Variants in QTGAL observed in about 807,000 individuals in gnomAD.
The protein encoded by QTGAL is queuosine-tRNA galactosyltransferase.
At chr17:82,974,498 G>T in the QTGAL span, among the ~76,000 whole-genome samples, 1 of 152,236 alleles carries the variant, frequency 6.6e-6, no homozygotes, top group Non-Finnish European at 1.5e-5. Context: ...CTCCCCAAGG[G>T]GTCAGGCAGA....
At chr17:83,002,866 G>T in the QTGAL span, among the ~76,000 whole-genome samples, 1 of 83,702 alleles carries the variant, frequency 1.2e-5, no homozygotes, top group South Asian at 3.6e-4. Context: ...CAGTCCGCGT[G>T]TGGGATTCCT....
the QTGAL span, among the ~76,000 whole-genome samples, chr17:83,001,313 C>A: frequency 1.3e-5 from 2 of 152,110 alleles, no homozygotes; most frequent in South Asian, 4.1e-4. Flanking sequence ...ACATCGTCCA[C>A]AACATAGTCA....
At chr17:83,040,881 C>T in the QTGAL span, among the ~76,000 whole-genome samples, 17 of 152,114 alleles carry the variant, frequency 1.1e-4, no homozygotes, top group African/African-American at 2.2e-4. Context: ...CTGGCCAACA[C>T]GGTGAAACCC....
the QTGAL span, among the ~76,000 whole-genome samples, chr17:82,976,598 G>A: frequency 5.1e-5 from 4 of 78,452 alleles, no homozygotes; most frequent in South Asian, 4.2e-4. Context: ...GACAGAGCCG[G>A]ACTCCATCCT....
chr17:82,999,089 G>GA, the QTGAL span, among the ~76,000 whole-genome samples: 5 of 152,326 alleles, frequency 3.3e-5, no homozygotes, highest in Non-Finnish European at 7.3e-5. Flanking sequence ...CTTTAAAAGT[G>GA]AAACACATCC....
the QTGAL span, among the ~76,000 whole-genome samples, chr17:83,002,133 T>C: frequency 6.6e-6 from 1 of 152,088 alleles, no homozygotes; most frequent in South Asian, 2.1e-4. Context: ...GAATACAGTA[T>C]GTAACTGATA....
chr17:83,005,211 C>A, the QTGAL span: 2 of 1,602,558 alleles, frequency 1.2e-6, no homozygotes, highest in Non-Finnish European at 1.7e-6. The surrounding 1 kb of genome is among the most constrained non-coding windows in gnomAD (Gnocchi z 5.6). Flanking sequence ...AACCAATGAT[C>A]TGTGAAAAAC....
chr17:82,965,344 G>A, the QTGAL span, among the ~76,000 whole-genome samples: 53 of 152,292 alleles, frequency 3.5e-4, no homozygotes, highest in Non-Finnish European at 6.2e-4. Flanking sequence ...AAAAGCTTCC[G>A]TGTCCTGCGC....
chr17:82,958,048 G>A, the QTGAL span, among the ~76,000 whole-genome samples: 4 of 152,082 alleles, frequency 2.6e-5, no homozygotes, highest in Non-Finnish European at 4.4e-5. Flanking sequence ...CAGCCCCATC[G>A]CTGCCCGGGC....
the QTGAL span, among the ~76,000 whole-genome samples, chr17:82,991,301 G>A: frequency 1.3e-5 from 2 of 152,156 alleles, no homozygotes; most frequent in Non-Finnish European, 1.5e-5. Flanking sequence ...TAATTCCCAC[G>A]TGTTGTGGGA....
the QTGAL span, among the ~76,000 whole-genome samples, chr17:82,998,681 T>G: frequency 6.6e-6 from 1 of 151,998 alleles, no homozygotes; most frequent in Non-Finnish European, 1.5e-5. Flanking sequence ...AAGACATTGT[T>G]AAAAGAATGA....
chr17:82,959,458 C>T, the QTGAL span, among the ~76,000 whole-genome samples: 15 of 91,558 alleles, frequency 1.6e-4, 1 homozygote, highest in African/African-American at 5.7e-4. Context: ...TCTGTGTGCA[C>T]GTGCAGTGTG....
At chr17:82,967,893 C>G in the QTGAL span, among the ~76,000 whole-genome samples, 1 of 152,000 alleles carries the variant, frequency 6.6e-6, no homozygotes, top group Admixed American at 6.6e-5. Context: ...TGTGATCGCA[C>G]CACAGCACTC....
At chr17:83,017,480 G>A in the QTGAL span, among the ~76,000 whole-genome samples, 5 of 151,948 alleles carry the variant, frequency 3.3e-5, no homozygotes, top group East Asian at 3.9e-4. Context: ...AAAATTCACC[G>A]AGTATGGTGC....
At chr17:82,958,709 C>T in the QTGAL span, among the ~76,000 whole-genome samples, 1 of 151,618 alleles carries the variant, frequency 6.6e-6, no homozygotes, top group Non-Finnish European at 1.5e-5. Flanking sequence ...TCCTCCCCAA[C>T]CCTCTGCAGC....
the QTGAL span, among the ~76,000 whole-genome samples, chr17:83,033,874 G>A: frequency 6.6e-6 from 1 of 152,170 alleles, no homozygotes; most frequent in Non-Finnish European, 1.5e-5. Flanking sequence ...AAGTTTATTA[G>A]TTGTTTGTAC....
the QTGAL span, among the ~76,000 whole-genome samples, chr17:83,017,578 C>T: frequency 9.9e-5 from 15 of 152,246 alleles, no homozygotes; most frequent in South Asian, 4.1e-4. Flanking sequence ...GCTGAGATCA[C>T]GCCACTGCAC....
chr17:83,028,054 T>A, the QTGAL span, among the ~76,000 whole-genome samples: 4 of 151,914 alleles, frequency 2.6e-5, no homozygotes, highest in Admixed American at 2.6e-4. Flanking sequence ...GTGGTTGCAG[T>A]GAGCCAAGAT....
chr17:82,961,020 C>T, the QTGAL span: 4 of 1,589,938 alleles, frequency 2.5e-6, no homozygotes, highest in South Asian at 1.1e-5. Flanking sequence ...TGTTCCTGGC[C>T]TCTCAGGCGT....
Sources: allele counts gnomAD v4.1 joint callset (sites outside exome capture counted in the v4.1 genomes callset), GRCh38; gene constraint gnomAD v4.1.1; non-coding constraint Gnocchi (gnomAD v3.1); transcripts MANE v1.5; gene names NCBI Gene and HGNC (gene_info 2026-07-23, HGNC 2026-07-21).